BBOF1: variants seen among roughly 807,000 people sequenced by gnomAD.
The protein encoded by BBOF1 is basal body-orientation factor 1.
A neutral mutation model predicts 68.0 loss-of-function variants in BBOF1; 62 were observed. That is an observed-to-expected ratio of 0.91 (90% CI 0.74 to 1.13). The LOEUF (loss-of-function observed/expected upper bound fraction) is 1.13. Among genes scored for constraint, BBOF1 ranks in the 50% most tolerant of loss-of-function variants. BBOF1 has a pLI of 0.00. For missense variants in BBOF1, 534 were observed against 600.1 expected, an observed-to-expected ratio of 0.89 and a Z score of 1.15; for synonymous variants, 208 against 198.8, an observed-to-expected ratio of 1.05 and a Z score of -0.39.
At chr14:74,077,954 T>C (rs996095423) in intron 9 of BBOF1, among the ~76,000 whole-genome samples, 12 of 152,262 alleles carry the variant, frequency 7.9e-5, no homozygotes, top group African/African-American at 2.9e-4. Flanking sequence ...GTTATGTCAT[T>C]GTAAATAACG....
At position 74,050,209 on chromosome 14, in the gene BBOF1, TTTA is replaced by T. The variant is rs199616324; in HGVS notation, c.1286+22_1286+24del. ...GGCCGAAAAATGGTACTAGCAATAC[TTTA>T]TTATTATCTTTTTGCTGCTATTTTT... is the stretch of plus-strand genomic sequence containing the variant. On this transcript the variant is annotated intron_variant, in intron 8 of 11. Transcript: ENST00000394009. 1,826 of 1,512,484 alleles carry T rather than the reference TTTA, an allele frequency of 1.2e-3. 28 individuals are homozygous for T. The African/African-American group carries it at 0.023, about 19-fold the overall frequency. The allele number at this position is 1,512,484 out of a possible 1,614,324, so 93.7% of individuals were successfully genotyped here. A position where few individuals can be genotyped will look rare whatever the true frequency, so the allele number is the denominator to read the frequency against.
downstream of BBOF1, chr14:74,069,254 C>T: frequency 2.7e-6 from 1 of 373,770 alleles, no homozygotes; most frequent in South Asian, 2.2e-5. Context: ...TAGGCACCCA[C>T]CACCATGCCT....
At chr14:74,052,616 G>T (rs996769572) in intron 8 of BBOF1, among the ~76,000 whole-genome samples, 1 of 151,556 alleles carries the variant, frequency 6.6e-6, no homozygotes, top group African/African-American at 2.4e-5. Context: ...CTGCACTCCA[G>T]CCTGGGCAAC....
intron 4 of BBOF1, 136 bp from the exon 5 acceptor site, chr14:74,040,429 G>T (rs2059805378): frequency 1.7e-6 from 1 of 601,860 alleles, no homozygotes; most frequent in Non-Finnish European, 2.9e-6. Flanking sequence ...CAGGAACACA[G>T]ATTTTTTCTG....
intron 9 of BBOF1, chr14:74,072,661 A>G (rs372474820): frequency 8.8e-6 from 14 of 1,592,528 alleles, no homozygotes; most frequent in African/African-American, 1.3e-5. Context: ...GAAACTTTGT[A>G]TTAGCTAATT....
downstream of BBOF1, chr14:74,067,026 G>A: frequency 1.2e-6 from 1 of 828,608 alleles, no homozygotes. Context: ...GACCAGCCTG[G>A]GCAACAAAGT....
At chr14:74,059,461 C>A in intron 11 of BBOF1, 2 of 443,434 alleles carry the variant, frequency 4.5e-6, no homozygotes, top group Admixed American at 2.4e-5. Flanking sequence ...TTTGGGAGGC[C>A]GAGGCAGGCG....
intron 9 of BBOF1, among the ~76,000 whole-genome samples, chr14:74,075,757 C>T (rs2060606381): frequency 1.3e-5 from 2 of 151,776 alleles, no homozygotes; most frequent in Non-Finnish European, 2.9e-5. Context: ...AAATTATGTC[C>T]ATATAGGTAT....
At position 74,050,188 on chromosome 14, in the gene BBOF1, G is replaced by A. The variant is rs150987491; in HGVS notation, c.1279G>A (p.Glu427Lys). 532 of 1,535,254 alleles carry A rather than the reference G, an allele frequency of 3.5e-4. 7 individuals are homozygous for A. In the East Asian group the frequency reaches 9.7e-3, roughly 28 times the overall value. Residue 427 changes from glutamate (E) to lysine (K), a missense_variant, in exon 8 of 12, where the codon GAA becomes AAA. Glu to Lys is a moderately conservative substitution (Grantham distance 56, BLOSUM62 1). Coordinates refer to ENST00000394009, the MANE Select transcript of BBOF1 (RefSeq NM_025057.3). ...TGTGAATCAGGATCTTCTGGAGGCC[G>A]AAAAATGGTACTAGCAATACTTTAT... ...NSVNQDLLEA[E>K]KWTHIEGNVD...
At chr14:74,022,612 TG>T (rs2059328656) in intron 1 of BBOF1, among the ~76,000 whole-genome samples, 1 of 152,226 alleles carries the variant, frequency 6.6e-6, no homozygotes. Flanking sequence ...CTTTTCCCTT[TG>T]TTTTACCAGT....
chr14:74,057,526 G>A, intron 11 of BBOF1: 1 of 1,357,848 alleles, frequency 7.4e-7, no homozygotes, highest in Middle Eastern at 2.0e-4. Flanking sequence ...GCCAAAATGT[G>A]TACTATCTTT....
At position 74,063,952 on chromosome 14, in the gene BBOF1, T is replaced by C. The variant is rs552895314; in HGVS notation, c.1579-736T>C. Among the ~76,000 whole-genome samples the C allele has an allele frequency of 3.3e-5, 5 of 152,090 alleles. No homozygotes were observed. The South Asian group carries it at 1.0e-3, about 32-fold the overall frequency. ...GGGATTTGAACACAGGCAATTTGGT[T>C]CCAGATCTGCTTTACTTTTCTTGTT... On this transcript the variant is annotated intron_variant, in intron 11 of 11. Coordinates refer to ENST00000394009, the MANE Select transcript of BBOF1 (RefSeq NM_025057.3).
intron 3 of BBOF1, among the ~76,000 whole-genome samples, chr14:74,030,354 T>TA (rs2059536616): frequency 1.3e-5 from 2 of 151,784 alleles, no homozygotes. Flanking sequence ...ACACCTGACT[T>TA]AGAGGTTGCT....
chr14:74,052,133 C>T (rs1248143782), intron 8 of BBOF1, among the ~76,000 whole-genome samples: 1 of 151,606 alleles, frequency 6.6e-6, no homozygotes. Context: ...AGTTGAGTCC[C>T]TACCATATAT....
Position 74,060,000 on chromosome 14 carries a change from G to A in BBOF1, c.1578+2742G>A, listed in dbSNP as rs4646864. ...CTTGTGTATTGTGGGATAAAAGAGGGGCTAAAGAAAACTTTGCAGGAGGTC... is the reference window on the plus strand; with the variant it reads ...CTTGTGTATTGTGGGATAAAAGAGGAGCTAAAGAAAACTTTGCAGGAGGTC... On this transcript the variant is annotated intron_variant, in intron 11 of 11. Transcript: ENST00000394009. 0.068 allele frequency: 10,521 copies of A among 154,390 alleles called. 561 individuals are homozygous for A. Among genetic ancestry groups the A allele is most frequent in the South Asian group, 0.25 (1,268 of 4,976 alleles). 9.6% of individuals were successfully genotyped at this position (154,390 alleles called of 1,614,324 possible).
intron 5 of BBOF1, among the ~76,000 whole-genome samples, chr14:74,043,239 T>TTA (rs1017274528): frequency 2.6e-5 from 4 of 151,706 alleles, no homozygotes; most frequent in African/African-American, 2.4e-5. Context: ...TGTCCTACAT[T>TTA]TATATATATA....
rs539178493 is a variant in BBOF1, at chr14:74,077,720, T to C, written n.1380-476T>C. Among the ~76,000 whole-genome samples the C allele has an allele frequency of 9.2e-5, 14 of 152,222 alleles. 1 individual carries two copies. The highest frequency in any genetic ancestry group is 3.1e-4 in the African/African-American group (13 of 41,538). Reference sequence around the variant, plus strand: ...CCCACTAGGTCCCAACACTATCACATTGGAGATTAAATTTCAACATGAGTT... The same window carrying C: ...CCCACTAGGTCCCAACACTATCACACTGGAGATTAAATTTCAACATGAGTT... On this transcript the variant is annotated intron_variant and non_coding_transcript_variant, in intron 9 of 12. Transcript: ENST00000492026.
intron 11 of BBOF1, chr14:74,060,786 G>T: frequency 7.1e-7 from 1 of 1,407,006 alleles, no homozygotes; most frequent in Non-Finnish European, 1.0e-6. Context: ...TATTTCTGGG[G>T]TTTCATGATT....
rs367967644 is a variant in BBOF1, at chr14:74,034,634, A to C, written c.495+463A>C. On this transcript the variant is annotated intron_variant, in intron 4 of 11. Transcript: ENST00000394009. ...GTTACCTTTCTGTGCTCTTTCTCTT[A>C]CTTTCCTCGGCTTAGAATATAGTTT... Among the ~76,000 whole-genome samples the C allele has an allele frequency of 1.4e-4, 22 of 152,322 alleles. No homozygotes were observed. The East Asian group carries it at 3.5e-3, about 24-fold the overall frequency.
Sources: allele counts gnomAD v4.1 joint callset (sites outside exome capture counted in the v4.1 genomes callset), GRCh38; gene constraint gnomAD v4.1.1; transcripts MANE v1.5; gene names NCBI Gene and HGNC (gene_info 2026-07-23, HGNC 2026-07-21).